Variants in CTTNBP2 observed in about 807,000 individuals in gnomAD.
CTTNBP2 encodes the protein cortactin-binding protein 2.
In CTTNBP2, 108 loss-of-function variants were observed where a neutral mutation model predicts 156.9. That is an observed-to-expected ratio of 0.69 (90% CI 0.59 to 0.81). The LOEUF (loss-of-function observed/expected upper bound fraction) is 0.81. Among genes scored for constraint, CTTNBP2 ranks in the 30% least tolerant of loss-of-function variants. The pLI is 0.00. For synonymous variants in CTTNBP2, 767 were observed against 751.8 expected, an observed-to-expected ratio of 1.02 and a Z score of -0.33; for missense variants, 1,924 against 2,035.4, an observed-to-expected ratio of 0.95 and a Z score of 1.05.
At chr7:117,805,110 A>C (rs1233315116) in intron 3 of CTTNBP2, among the ~76,000 whole-genome samples, 1 of 152,172 alleles carries the variant, frequency 6.6e-6, no homozygotes, top group Non-Finnish European at 1.5e-5. Flanking sequence ...TATATTTAAT[A>C]AGAGTTTTAG....
At chr7:117,824,180 GTTT>G (rs11428255) in intron 2 of CTTNBP2, among the ~76,000 whole-genome samples, 1 of 148,204 alleles carries the variant, frequency 6.7e-6, no homozygotes, top group African/African-American at 2.5e-5. Flanking sequence ...AAACTTTCTG[GTTT>G]TTTTTTTTAC....
In CTTNBP2 at chr7:117,782,943, A is replaced by G. The variant is rs945869533; in HGVS notation, c.2291T>C (p.Leu764Pro). 2.5e-6 allele frequency: 4 copies of G among 1,613,932 alleles called. No individual in the cohort carries two copies. Among genetic ancestry groups the G allele is most frequent in the Non-Finnish European group, 3.4e-6 (4 of 1,179,774 alleles). ...NGHTDCVRLL[L>P]SAEAQVNAAD... ...AGCATTGACTTGGGCTTCTGCACTC[A>G]GCAGCAATCTCACACAGTCTATGGA... The change falls in exon 6 of 23, where the codon CTG becomes CCG. Residue 764 changes from leucine to proline, a missense_variant. By Grantham distance (98) the Leu-to-Pro change is moderately conservative. Transcript: ENST00000160373.
intron 22 of CTTNBP2, among the ~76,000 whole-genome samples, chr7:117,713,584 G>A (rs184685220): frequency 1.4e-3 from 210 of 152,290 alleles, no homozygotes; most frequent in Middle Eastern, 6.8e-3. Flanking sequence ...TTATGGCTGT[G>A]TTTGTGTGAA....
intron 12 of CTTNBP2, among the ~76,000 whole-genome samples, chr7:117,754,688 T>C (rs1277551560): frequency 6.6e-6 from 1 of 152,264 alleles, no homozygotes; most frequent in Non-Finnish European, 1.5e-5. Context: ...ATTTTTATTA[T>C]ATTCATTCAA....
chr7:117,816,569 A>C (rs1800587213), intron 2 of CTTNBP2, among the ~76,000 whole-genome samples: 1 of 152,122 alleles, frequency 6.6e-6, no homozygotes, highest in African/African-American at 2.4e-5. Flanking sequence ...AAAGGTTCAG[A>C]GTTTAGCCTA....
chr7:117,725,100 T>C lies in CTTNBP2; in HGVS notation c.4213A>G (p.Ile1405Val). The change falls in exon 18 of 23, where the codon ATC becomes GTC. Residue 1405 changes from isoleucine (I) to valine (V), a missense_variant. By Grantham distance (29) the Ile-to-Val change is conservative. Coordinates refer to ENST00000160373, the MANE Select transcript of CTTNBP2 (RefSeq NM_033427.3). Reference protein sequence around the residue: ...QQAVVKAALSILLNKAVLHGC... With the variant: ...QQAVVKAALSVLLNKAVLHGC... ...TGCAGTACAGCTTTATTTAGCAAGATGCTGAGAGCAGCTTTGACCACAGCC... is the reference window on the plus strand; with the variant it reads ...TGCAGTACAGCTTTATTTAGCAAGACGCTGAGAGCAGCTTTGACCACAGCC... 2 of 1,613,048 alleles carry C rather than the reference T, an allele frequency of 1.2e-6. No individual in the cohort carries two copies. Among genetic ancestry groups the C allele is most frequent in the Non-Finnish European group, 1.7e-6 (2 of 1,180,038 alleles).
chr7:117,786,514 C>T (rs1045051322), intron 4 of CTTNBP2: 2 of 377,502 alleles, frequency 5.3e-6, no homozygotes, highest in South Asian at 2.0e-5. Flanking sequence ...ATTATAAACA[C>T]GAAGGCATAA....
intron 16 of CTTNBP2, among the ~76,000 whole-genome samples, chr7:117,734,146 C>T (rs1795555165): frequency 6.6e-6 from 1 of 152,296 alleles, no homozygotes; most frequent in Non-Finnish European, 1.5e-5. Flanking sequence ...CGTTGGACAC[C>T]TACCACAAGA....
chr7:117,717,754 A>T (rs1794513755), intron 22 of CTTNBP2, among the ~76,000 whole-genome samples: 1 of 152,100 alleles, frequency 6.6e-6, no homozygotes, highest in African/African-American at 2.4e-5. Flanking sequence ...GAAAAAAAAA[A>T]AAACATGGAG....
At chr7:117,785,000 A>C (rs577599865) in intron 4 of CTTNBP2, among the ~76,000 whole-genome samples, 1 of 152,294 alleles carries the variant, frequency 6.6e-6, no homozygotes, top group African/African-American at 2.4e-5. Flanking sequence ...ATATTCCTTG[A>C]ATTCCCTTAT....
chr7:117,750,293 C>T (rs1158523459), intron 12 of CTTNBP2, among the ~76,000 whole-genome samples: 1 of 152,148 alleles, frequency 6.6e-6, no homozygotes, highest in African/African-American at 2.4e-5. Context: ...AGTTGCAACA[C>T]TTCATTTGTT....
intron 3 of CTTNBP2, among the ~76,000 whole-genome samples, chr7:117,809,893 G>A (rs745859272): frequency 6.6e-6 from 1 of 152,158 alleles, no homozygotes; most frequent in Non-Finnish European, 1.5e-5. Flanking sequence ...AATAATGGTG[G>A]AGAGAACATA....
At chr7:117,758,703 TAC>T (rs1797021980) in intron 10 of CTTNBP2, among the ~76,000 whole-genome samples, 2 of 152,206 alleles carry the variant, frequency 1.3e-5, no homozygotes. Context: ...CTCACTTACA[TAC>T]ACACAATAAT....
At chr7:117,767,511 T>C (rs992331196) in intron 8 of CTTNBP2, among the ~76,000 whole-genome samples, 3 of 152,208 alleles carry the variant, frequency 2.0e-5, no homozygotes, top group African/African-American at 7.2e-5. Flanking sequence ...ACATTCTCCT[T>C]TTATGGTAAT....
intron 3 of CTTNBP2, among the ~76,000 whole-genome samples, chr7:117,794,452 A>G (rs1175273672): frequency 1.3e-5 from 2 of 152,222 alleles, no homozygotes; most frequent in South Asian, 2.1e-4. Flanking sequence ...GATGTTAAAC[A>G]CAAATATCCT....
chr7:117,719,664 T>A (rs769428096), intron 20 of CTTNBP2, 28 bp from the exon 21 acceptor site: 1 of 1,592,198 alleles, frequency 6.3e-7, no homozygotes, highest in South Asian at 1.1e-5. Flanking sequence ...AAAACGTTTT[T>A]CAAAGTGAGA....
chr7:117,753,218 A>G (rs1290491178), intron 12 of CTTNBP2, among the ~76,000 whole-genome samples: 2 of 152,206 alleles, frequency 1.3e-5, no homozygotes, highest in Non-Finnish European at 2.9e-5. Flanking sequence ...ATCTCACGCC[A>G]GTCAGAATGG....
chr7:117,803,121 A>C (rs1242050521), intron 3 of CTTNBP2, among the ~76,000 whole-genome samples: 5 of 152,170 alleles, frequency 3.3e-5, no homozygotes, highest in African/African-American at 1.2e-4. Context: ...AAAGACATGG[A>C]ATCAACCTAG....
intron 4 of CTTNBP2, among the ~76,000 whole-genome samples, chr7:117,785,445 CT>C (rs1243925104): frequency 2.6e-5 from 4 of 152,144 alleles, no homozygotes; most frequent in Middle Eastern, 3.2e-3. Flanking sequence ...ACATTTTCCG[CT>C]TTTTCCTTAT....
Sources: allele counts gnomAD v4.1 joint callset (sites outside exome capture counted in the v4.1 genomes callset), GRCh38; gene constraint gnomAD v4.1.1; transcripts MANE v1.5; gene names NCBI Gene and HGNC (gene_info 2026-07-23, HGNC 2026-07-21).